Variants in NOVA1 observed in about 807,000 individuals in gnomAD.
The protein encoded by NOVA1 is NOVA alternative splicing regulator 1.
Under a neutral mutation model 38.0 loss-of-function variants are expected in NOVA1, and 7 were observed. The ratio of observed to expected loss-of-function variants is 0.18; its 90% CI spans 0.10 to 0.35. The LOEUF (loss-of-function observed/expected upper bound fraction) is 0.35, where lower values mean the gene tolerates loss of function less well. Among genes scored for constraint, NOVA1 ranks in the 10% least tolerant of loss-of-function variants. NOVA1 has a pLI of 1.00. For synonymous variants in NOVA1, 270 were observed against 232.5 expected (o/e 1.16, Z -1.47); for missense variants, 460 against 616.0 (o/e 0.75, Z 2.68).
intron 2 of NOVA1, among the ~76,000 whole-genome samples, chr14:26,525,663 G>A (rs1220233579): frequency 6.6e-6 from 1 of 151,990 alleles, no homozygotes; most frequent in East Asian, 1.9e-4. Flanking sequence ...ATTTATTAGT[G>A]GATGAATAGC....
chr14:26,451,432 A>G (rs1882667479), intron 4 of NOVA1, among the ~76,000 whole-genome samples: 1 of 152,022 alleles, frequency 6.6e-6, no homozygotes, highest in Non-Finnish European at 1.5e-5. Flanking sequence ...CAGTGGTGCA[A>G]TCTCGACTCA....
chr14:26,510,923 T>C (rs984646698), intron 2 of NOVA1, among the ~76,000 whole-genome samples: 19 of 152,222 alleles, frequency 1.2e-4, no homozygotes, highest in Admixed American at 3.9e-4. Context: ...TAATGATAAA[T>C]GGACAAACCA....
At position 26,595,426 on chromosome 14, in the gene NOVA1, G is replaced by T. The variant is rs755837061; in HGVS notation, c.264C>A (p.Ser88=). ...ETGATIKLSK[S]KDFYPGTTER... ...TGCACCTACCTGGGTAAAAATCTTT[G>T]GACTTAGACAGCTTGATGGTGGCTC... is the stretch of plus-strand genomic sequence containing the variant. The change falls in exon 2 of 5, where the codon TCC becomes TCA. Residue 88 remains serine, a synonymous_variant. Transcript: ENST00000539517. 2 of 1,613,504 alleles carry T rather than the reference G, an allele frequency of 1.2e-6. No homozygotes were observed. Among genetic ancestry groups the T allele is most frequent in the Non-Finnish European group, 1.7e-6 (2 of 1,179,714 alleles).
At chr14:26,483,665 G>A (rs1171154674) in intron 2 of NOVA1, among the ~76,000 whole-genome samples, 1 of 152,136 alleles carries the variant, frequency 6.6e-6, no homozygotes. Flanking sequence ...CCTAAAAGTA[G>A]TTGAACCTAA....
chr14:26,502,863 T>C (rs540614494), intron 2 of NOVA1, among the ~76,000 whole-genome samples: 1 of 152,214 alleles, frequency 6.6e-6, no homozygotes, highest in East Asian at 1.9e-4. Flanking sequence ...TTGCTACAGT[T>C]CTCAAGATGA....
intron 4 of NOVA1, among the ~76,000 whole-genome samples, chr14:26,467,079 A>C (rs2138231008): frequency 6.6e-6 from 1 of 152,338 alleles, no homozygotes; most frequent in Admixed American, 6.5e-5. Context: ...ATAAAAGCCA[A>C]GGTAATGGAG....
At chr14:26,588,754 T>C (rs866906656) in intron 2 of NOVA1, among the ~76,000 whole-genome samples, 1 of 151,452 alleles carries the variant, frequency 6.6e-6, no homozygotes, top group Non-Finnish European at 1.5e-5. Context: ...TTAAAAATAG[T>C]CAATCATGTC....
intron 2 of NOVA1, among the ~76,000 whole-genome samples, chr14:26,552,528 T>C (rs1294619570): frequency 3.3e-5 from 5 of 152,096 alleles, no homozygotes; most frequent in Non-Finnish European, 2.9e-5. Context: ...AAGTCAAATA[T>C]ATTTTCTAAA....
chr14:26,546,381 T>A (rs1408151541), intron 2 of NOVA1, among the ~76,000 whole-genome samples: 1 of 152,070 alleles, frequency 6.6e-6, no homozygotes, highest in African/African-American at 2.4e-5. Context: ...TTCAGATAAA[T>A]CTGATAAGAA....
At chr14:26,523,068 A>G (rs1889018430) in intron 2 of NOVA1, among the ~76,000 whole-genome samples, 1 of 152,202 alleles carries the variant, frequency 6.6e-6, no homozygotes, top group Non-Finnish European at 1.5e-5. Context: ...TTCTTTGAAT[A>G]AACAACCTGG....
chr14:26,478,592 ATTAC>A (rs1280627073), intron 3 of NOVA1, among the ~76,000 whole-genome samples: 1 of 151,972 alleles, frequency 6.6e-6, no homozygotes, highest in African/African-American at 2.4e-5. Flanking sequence ...AAGTCACAGT[ATTAC>A]TTTCAAGAAT....
At position 26,554,136 on chromosome 14, in the gene NOVA1, AAAAAAGAAAGAAAAGGAAG is replaced by A. The variant is rs1470627444; in HGVS notation, c.280+41255_280+41273del. The stretch of plus-strand genomic sequence containing the variant: ...TGCATTCCAGCACGGGTGAAAAAAA[AAAAAAGAAAGAAAAGGAAG>A]AAAAAGAAAGAAAAGGAAGAAAAAG... On this transcript the variant is annotated intron_variant, in intron 2 of 4. Transcript: ENST00000539517. Among the ~76,000 whole-genome samples the A allele has an allele frequency of 7.4e-3, 1,115 of 151,240 alleles. 13 individuals carry two copies. Among genetic ancestry groups the A allele is most frequent in the African/African-American group, 0.022 (882 of 40,998 alleles).
At chr14:26,548,168 A>G (rs1399434158) in intron 2 of NOVA1, among the ~76,000 whole-genome samples, 1 of 152,066 alleles carries the variant, frequency 6.6e-6, no homozygotes, top group East Asian at 1.9e-4. Context: ...TAATTAACAC[A>G]AATAATATTC....
chr14:26,540,209 A>G (rs985504174), intron 2 of NOVA1, among the ~76,000 whole-genome samples: 1 of 152,216 alleles, frequency 6.6e-6, no homozygotes, highest in Non-Finnish European at 1.5e-5. Context: ...CAGGTGAGCA[A>G]GCATTAAGCA....
intron 2 of NOVA1, among the ~76,000 whole-genome samples, chr14:26,525,578 C>T (rs1594465582): frequency 6.6e-6 from 1 of 152,066 alleles, no homozygotes; most frequent in East Asian, 1.9e-4. Context: ...TCATATTCAC[C>T]CATTTATAAT....
intron 2 of NOVA1, among the ~76,000 whole-genome samples, chr14:26,590,215 G>C (rs1483371675): frequency 1.3e-5 from 2 of 151,914 alleles, no homozygotes; most frequent in East Asian, 1.9e-4. Context: ...AGGCTGCAAT[G>C]ATGAGTCCCA....
At chr14:26,484,113 G>A (rs1341338047) in intron 2 of NOVA1, among the ~76,000 whole-genome samples, 1 of 151,954 alleles carries the variant, frequency 6.6e-6, no homozygotes, top group African/African-American at 2.4e-5. Context: ...GACAAATCTT[G>A]ATACTGTTGA....
intron 2 of NOVA1, among the ~76,000 whole-genome samples, chr14:26,531,041 A>G (rs1225755115): frequency 6.6e-6 from 1 of 152,190 alleles, no homozygotes; most frequent in African/African-American, 2.4e-5. Context: ...ACCCACTACT[A>G]ATAGGAAAGT....
rs550321505 is a variant in NOVA1, at chr14:26,529,527, A to G, written c.281-49384T>C. Among the ~76,000 whole-genome samples, 8 of 152,302 alleles carry G rather than the reference A, an allele frequency of 5.3e-5. No individual in the cohort carries two copies. In the South Asian group the frequency reaches 1.7e-3, roughly 32 times the overall value. On this transcript the variant is annotated intron_variant, in intron 2 of 4. Coordinates refer to ENST00000539517, the MANE Select transcript of NOVA1 (RefSeq NM_002515.3). ...GGGAATGGCTCTATCATGATGCTCC[A>G]GCAATGGTGAATGTATACTTATAGG... is the stretch of plus-strand genomic sequence containing the variant.
Sources: allele counts gnomAD v4.1 joint callset (sites outside exome capture counted in the v4.1 genomes callset), GRCh38; gene constraint gnomAD v4.1.1; transcripts MANE v1.5; gene names NCBI Gene and HGNC (gene_info 2026-07-23, HGNC 2026-07-21).